The following DENND5B variants were observed in gnomAD, a reference collection of about 807,000 sequenced individuals.
The protein encoded by DENND5B is DENN domain containing 5B.
In DENND5B, 34 loss-of-function variants were observed where a neutral mutation model predicts 140.6. The observed-to-expected ratio is 0.24, with a 90% confidence interval of 0.18 to 0.32. DENND5B has a LOEUF of 0.32. Among genes scored for constraint, DENND5B ranks in the 10% least tolerant of loss-of-function variants. The pLI, the probability that DENND5B is intolerant of heterozygous loss-of-function variation, is 1.00. For missense variants in DENND5B, 1,142 were observed against 1,560.2 expected, an observed-to-expected ratio of 0.73 and a Z score of 4.52; for synonymous variants, 551 against 562.1, an observed-to-expected ratio of 0.98 and a Z score of 0.28.
intron 15 of DENND5B, among the ~76,000 whole-genome samples, chr12:31,400,070 T>C (rs2137387344): frequency 6.6e-6 from 1 of 152,294 alleles, no homozygotes; most frequent in South Asian, 2.1e-4. Flanking sequence ...TTACTTCTAC[T>C]TGGGGAACCC....
chr12:31,427,638 G>A (rs1943310373), intron 8 of DENND5B, among the ~76,000 whole-genome samples: 1 of 151,586 alleles, frequency 6.6e-6, no homozygotes, highest in African/African-American at 2.4e-5. Context: ...GATACCTTAT[G>A]TTTACATCAG....
chr12:31,409,474 CTTTTTTTTTT>C lies in DENND5B; in HGVS notation c.2682-100_2682-91del, dbSNP rs139434599. On this transcript the variant is annotated intron_variant, in intron 13 of 20. Coordinates refer to ENST00000389082, the MANE Select transcript of DENND5B (RefSeq NM_144973.4). The stretch of plus-strand genomic sequence containing the variant: ...TAGTATCATGTACTTTTCATTATGT[CTTTTTTTTTT>C]TTTTTTTTTTTTAAACAGAGTTTCT... 4.6e-5 allele frequency: 13 copies of C among 285,284 alleles called. No individual in the cohort carries two copies. In the Admixed American group the frequency reaches 1.3e-3, roughly 29 times the overall value. 17.7% of individuals were successfully genotyped at this position (285,284 alleles called of 1,614,324 possible).
At chr12:31,519,796 C>T (rs2138991455) in intron 1 of DENND5B, among the ~76,000 whole-genome samples, 1 of 152,268 alleles carries the variant, frequency 6.6e-6, no homozygotes. Flanking sequence ...CTTTATTGAG[C>T]TATATTGCAC....
chr12:31,487,522 G>A (rs1232632148), intron 2 of DENND5B, among the ~76,000 whole-genome samples: 1 of 152,002 alleles, frequency 6.6e-6, no homozygotes, highest in Non-Finnish European at 1.5e-5. Flanking sequence ...GCAACATGAC[G>A]AAACCCTGCC....
chr12:31,469,326 C>G (rs1945430541), intron 3 of DENND5B, among the ~76,000 whole-genome samples: 1 of 104,252 alleles, frequency 9.6e-6, no homozygotes, highest in Non-Finnish European at 2.0e-5. Flanking sequence ...GAGACAGACT[C>G]CATCTCAAAA....
chr12:31,480,166 A>C lies in DENND5B; in HGVS notation c.327T>G (p.Gly109=). Residue 109 remains glycine, a synonymous_variant, in exon 3 of 21, where the codon GGT becomes GGG. Coordinates refer to ENST00000389082, the MANE Select transcript of DENND5B (RefSeq NM_144973.4). ...TGAGAACAAAACCATAGGTGCGAGA[A>C]CCATCTTCCCTGGTAATTATAAATG... ...FHSFIITRED[G]SRTYGFVLTF... 1 of 1,605,658 alleles carries C rather than the reference A, an allele frequency of 6.2e-7. No homozygotes were observed. Among genetic ancestry groups the C allele is most frequent in the Non-Finnish European group, 8.5e-7 (1 of 1,175,860 alleles).
At chr12:31,415,776 C>CG (rs1430108929) in intron 11 of DENND5B, among the ~76,000 whole-genome samples, 1 of 151,960 alleles carries the variant, frequency 6.6e-6, no homozygotes, top group Non-Finnish European at 1.5e-5. Context: ...TTTGTAGAGA[C>CG]GGGGTCTCCC....
At chr12:31,537,933 T>A (rs1267095401) in intron 1 of DENND5B, among the ~76,000 whole-genome samples, 1 of 152,204 alleles carries the variant, frequency 6.6e-6, no homozygotes. Flanking sequence ...AGCAAGAAGA[T>A]GTAACAATTG....
At chr12:31,521,344 G>A (rs963695888) in intron 1 of DENND5B, among the ~76,000 whole-genome samples, 14 of 149,500 alleles carry the variant, frequency 9.4e-5, no homozygotes, top group African/African-American at 3.0e-4. Context: ...TAGAGACAGC[G>A]TCTCACTATG....
chr12:31,541,228 A>T (rs1049529383), intron 1 of DENND5B, among the ~76,000 whole-genome samples: 1 of 152,102 alleles, frequency 6.6e-6, no homozygotes, highest in Non-Finnish European at 1.5e-5. Flanking sequence ...CAAGTTAAAA[A>T]CCTTCTGCAC....
intron 1 of DENND5B, among the ~76,000 whole-genome samples, chr12:31,553,613 A>T (rs1949156493): frequency 6.6e-6 from 1 of 152,050 alleles, no homozygotes; most frequent in South Asian, 2.1e-4. Context: ...ATTCCTGGGT[A>T]TCCTTGTTAA....
rs371180197 is a variant in DENND5B, at chr12:31,386,091, T to G, written c.*1512A>C. On this transcript the variant is annotated 3_prime_UTR_variant, in exon 21 of 21. Transcript: ENST00000389082. ...AAGGGAGTTAGGCACTTGTTTCATC[T>G]GTTTCTTCCTCCAGGAAATAAGGTT... 7 of 154,564 alleles carry G rather than the reference T, an allele frequency of 4.5e-5. No individual in the cohort carries two copies. Among genetic ancestry groups the G allele is most frequent in the African/African-American group, 1.7e-4 (7 of 41,662 alleles). 9.6% of individuals were successfully genotyped at this position (154,564 alleles called of 1,614,324 possible).
At position 31,404,829 on chromosome 12, in the gene DENND5B, G is replaced by C. The variant is rs539476194; in HGVS notation, c.2804-2186C>G. 6.8e-5 allele frequency among the ~76,000 whole-genome samples: 9 copies of C among 131,928 alleles called. No individual in the cohort carries two copies. The East Asian group carries it at 2.1e-3, about 31-fold the overall frequency. The allele number at this position is 131,928 out of a possible 152,430, so 86.5% of individuals were successfully genotyped here. Reference sequence around the variant, plus strand: ...GGCTGGAGTGCAATGGCATGATCTCGGCTCACTGCAACCTCTGCCTCCCGG... The same window carrying C: ...GGCTGGAGTGCAATGGCATGATCTCCGCTCACTGCAACCTCTGCCTCCCGG... On this transcript the variant is annotated intron_variant, in intron 14 of 20. Transcript: ENST00000389082.
Position 31,520,842 on chromosome 12 carries a change from T to TAAC in DENND5B, c.128-24926_128-24924dup, listed in dbSNP as rs66533164. On this transcript the variant is annotated intron_variant, in intron 1 of 20. Transcript: ENST00000389082. ...GGGGTAGCTACATTTTAAAAATAGT[T>TAAC]AACAACAACAACAACAACAACAACA... 3.3e-3 allele frequency among the ~76,000 whole-genome samples: 504 copies of TAAC among 151,196 alleles called. 4 individuals carry two copies. The highest frequency in any genetic ancestry group is 5.9e-3 in the Admixed American group (90 of 15,156).
intron 3 of DENND5B, among the ~76,000 whole-genome samples, chr12:31,475,568 T>C (rs1451033947): frequency 1.3e-5 from 2 of 151,976 alleles, no homozygotes; most frequent in African/African-American, 4.8e-5. Context: ...GGCAGTGTAG[T>C]GAGACTTCAT....
At chr12:31,502,439 A>G (rs1947046490) in intron 1 of DENND5B, among the ~76,000 whole-genome samples, 2 of 152,234 alleles carry the variant, frequency 1.3e-5, no homozygotes, top group African/African-American at 4.8e-5. Flanking sequence ...CATTTCGTCA[A>G]TAATATTCCT....
At position 31,413,610 on chromosome 12, in the gene DENND5B, C is replaced by T. The variant is rs377297284; in HGVS notation, c.2553-46G>A. 6.3e-6 allele frequency: 10 copies of T among 1,578,798 alleles called. No individual in the cohort carries two copies. The African/African-American group carries it at 1.1e-4, about 17-fold the overall frequency. ...CAAAGATGTAGATTTTAAGGATAAC[C>T]CTGACTAGAAAAGAAGTAAAGAGTG... is the stretch of plus-strand genomic sequence containing the variant. On this transcript the variant is annotated intron_variant, in intron 12 of 20. Transcript: ENST00000389082.
At chr12:31,418,656 T>G (rs1387181349) in intron 11 of DENND5B, among the ~76,000 whole-genome samples, 2 of 152,008 alleles carry the variant, frequency 1.3e-5, no homozygotes, top group African/African-American at 4.8e-5. Flanking sequence ...TCCAGATGAT[T>G]AGACAGAATG....
Position 31,447,565 on chromosome 12 carries a change from G to C in DENND5B, c.1834C>G (p.Gln612Glu). ...RAPTLRTSIYQKCSTLKEAAQ... is the reference protein window; with the variant it reads ...RAPTLRTSIYEKCSTLKEAAQ... ...GCTTCTTTTAAAGTGCTGCATTTCT[G>C]ATATATAGATGTCCGCAAGGTGGGT... The change falls in exon 6 of 21, where the codon CAG becomes GAG. Residue 612 changes from glutamine (Q) to glutamate (E), a missense_variant. Coordinates refer to ENST00000389082, the MANE Select transcript of DENND5B (RefSeq NM_144973.4). 6.2e-7 allele frequency: 1 copy of C among 1,613,096 alleles called. No individual in the cohort carries two copies. The highest frequency in any genetic ancestry group is 8.5e-7 in the Non-Finnish European group (1 of 1,179,446).
Sources: gnomAD v4.1 joint callset for allele counts (sites outside exome capture counted in the v4.1 genomes callset) on GRCh38, gnomAD v4.1.1 for gene constraint, MANE v1.5 for transcripts, NCBI Gene and HGNC (gene_info 2026-07-23, HGNC 2026-07-21) for gene names.